FOXP2: variants seen among roughly 807,000 people sequenced by gnomAD.
FOXP2 encodes forkhead box protein P2.
FOXP2 carries 12 observed loss-of-function variants against 115.8 expected under a neutral mutation model. That is an observed-to-expected ratio of 0.10 (90% CI 0.07 to 0.17). The LOEUF (loss-of-function observed/expected upper bound fraction) is 0.17, where lower values mean the gene tolerates loss of function less well. Ranked by LOEUF, FOXP2 falls within the 10% of genes least tolerant of loss-of-function variation. The pLI is 1.00. For synonymous variants in FOXP2, 328 were observed against 297.7 expected (o/e 1.10, Z -1.05); for missense variants, 629 against 843.5 (o/e 0.75, Z 3.15).
intron 6 of FOXP2, among the ~76,000 whole-genome samples, chr7:114,641,469 T>C (rs1459904293): frequency 6.6e-6 from 1 of 152,168 alleles, no homozygotes; most frequent in Non-Finnish European, 1.5e-5. Context: ...TTAGATATAA[T>C]CTTCTTAACT....
chr7:114,534,410 A>G (rs927649340), intron 2 of FOXP2, among the ~76,000 whole-genome samples: 9 of 151,750 alleles, frequency 5.9e-5, no homozygotes, highest in African/African-American at 2.2e-4. Flanking sequence ...TTCCTGTAGG[A>G]TTGCATGTTT....
At chr7:114,378,940 ACAG>A (rs1463978440) in intron 2 of FOXP2, among the ~76,000 whole-genome samples, 1 of 151,854 alleles carries the variant, frequency 6.6e-6, no homozygotes. Flanking sequence ...TTCCCTGAAA[ACAG>A]CACACAGTAT....
At chr7:114,316,514 T>C (rs1028778090) in intron 2 of FOXP2, among the ~76,000 whole-genome samples, 1 of 152,084 alleles carries the variant, frequency 6.6e-6, no homozygotes, top group Non-Finnish European at 1.5e-5. Context: ...ATATGCACCA[T>C]AAAGAAAAAG....
intron 2 of FOXP2, among the ~76,000 whole-genome samples, chr7:114,464,576 A>G (rs1024704898): frequency 2.0e-5 from 3 of 152,256 alleles, no homozygotes; most frequent in East Asian, 1.9e-4. Flanking sequence ...CCAAGCCCAA[A>G]GAGTACTGAT....
intron 1 of FOXP2, among the ~76,000 whole-genome samples, chr7:114,251,516 C>T (rs1165681424): frequency 6.6e-6 from 1 of 152,048 alleles, no homozygotes; most frequent in African/African-American, 2.4e-5. Context: ...ACTTCACATC[C>T]CTTGTAAGTT....
chr7:114,246,891 G>A (rs995699232), intron 1 of FOXP2, among the ~76,000 whole-genome samples: 3 of 151,986 alleles, frequency 2.0e-5, no homozygotes, highest in Admixed American at 6.6e-5. Context: ...ATTAAGATTC[G>A]CCAAGTCTTA....
At chr7:114,317,434 A>G (rs1259598387) in intron 2 of FOXP2, among the ~76,000 whole-genome samples, 1 of 152,240 alleles carries the variant, frequency 6.6e-6, no homozygotes, top group Admixed American at 6.5e-5. Context: ...AGTGCTTTGC[A>G]CATAATAAAT....
chr7:114,176,298 T>TCTCTCTCTCTCTCTCTCTCTCTC (rs1554426475), intron 1 of FOXP2, among the ~76,000 whole-genome samples: 1 of 76,578 alleles, frequency 1.3e-5, no homozygotes, highest in African/African-American at 5.4e-5. Context: ...CTTTCTTTCT[T>TCTCTCTCTCTCTCTCTCTCTCTC]TCTCTCTCTC....
chr7:114,627,729 A>G (rs1334689917), intron 3 of FOXP2, among the ~76,000 whole-genome samples: 1 of 152,134 alleles, frequency 6.6e-6, no homozygotes, highest in African/African-American at 2.4e-5. Flanking sequence ...TAGTGGGAAA[A>G]AAGTTTTAAG....
At chr7:114,655,687 A>G (rs1008675088) in intron 10 of FOXP2, among the ~76,000 whole-genome samples, 2 of 152,176 alleles carry the variant, frequency 1.3e-5, no homozygotes, top group Non-Finnish European at 2.9e-5. Flanking sequence ...GCAGTGGCTC[A>G]GTTGAGACGG....
At chr7:114,268,645 G>A (rs1359507351) in intron 1 of FOXP2, among the ~76,000 whole-genome samples, 5 of 151,928 alleles carry the variant, frequency 3.3e-5, no homozygotes, top group Non-Finnish European at 5.9e-5. Context: ...TTTCTTTAGC[G>A]TGTTCTGTTA....
chr7:114,224,489 C>T (rs947256600), intron 1 of FOXP2, among the ~76,000 whole-genome samples: 3 of 151,974 alleles, frequency 2.0e-5, no homozygotes, highest in Admixed American at 1.3e-4. Context: ...TCTCATATGC[C>T]TTGGGTTTCT....
intron 1 of FOXP2, among the ~76,000 whole-genome samples, chr7:114,245,893 T>C (rs1795272484): frequency 6.6e-6 from 1 of 152,128 alleles, no homozygotes; most frequent in African/African-American, 2.4e-5. Flanking sequence ...TGTACGAAAC[T>C]GTACTAAAGA....
chr7:114,098,573 C>T (rs1310411811), intron 1 of FOXP2, among the ~76,000 whole-genome samples: 1 of 152,026 alleles, frequency 6.6e-6, no homozygotes, highest in Non-Finnish European at 1.5e-5. Context: ...AAAGTCAATT[C>T]AAAATGGATA....
chr7:114,689,574 G>A (rs1199620616), intron 16 of FOXP2, among the ~76,000 whole-genome samples: 2 of 152,152 alleles, frequency 1.3e-5, no homozygotes, highest in Non-Finnish European at 2.9e-5. Flanking sequence ...GGGAGTCCAT[G>A]CTCACATTAC....
At chr7:114,239,050 A>T (rs1055256016) in intron 1 of FOXP2, among the ~76,000 whole-genome samples, 1 of 151,690 alleles carries the variant, frequency 6.6e-6, no homozygotes, top group African/African-American at 2.4e-5. Context: ...TAGCTTTACA[A>T]ACTTTTGCAT....
intron 2 of FOXP2, among the ~76,000 whole-genome samples, chr7:114,294,042 T>C (rs1333594680): frequency 6.6e-6 from 1 of 152,176 alleles, no homozygotes; most frequent in East Asian, 1.9e-4. Flanking sequence ...ATTAACAGTC[T>C]ATGAAATATG....
chr7:114,274,276 T>A (rs1796130049), intron 1 of FOXP2, among the ~76,000 whole-genome samples: 1 of 152,156 alleles, frequency 6.6e-6, no homozygotes, highest in South Asian at 2.1e-4. Context: ...TGCATAAGCA[T>A]ATATACACAT....
intron 1 of FOXP2, among the ~76,000 whole-genome samples, chr7:114,139,724 T>A (rs1351035437): frequency 6.6e-6 from 1 of 152,202 alleles, no homozygotes; most frequent in Non-Finnish European, 1.5e-5. Context: ...GTTGTTGTTG[T>A]TAGCCTGCCT....
Sources: allele counts gnomAD v4.1 joint callset (sites outside exome capture counted in the v4.1 genomes callset), GRCh38; gene constraint gnomAD v4.1.1; transcripts MANE v1.5; gene names NCBI Gene and HGNC (gene_info 2026-07-23, HGNC 2026-07-21).